Variants in RGS7 observed in about 807,000 individuals in gnomAD.
RGS7 encodes the protein regulator of G-protein signaling 7.
In RGS7, 27 loss-of-function variants were observed where a neutral mutation model predicts 81.1. The observed-to-expected ratio is 0.33, with a 90% CI of 0.25 to 0.46. The LOEUF is 0.46. RGS7 is among the 20% of genes least tolerant of loss of function. RGS7 has a pLI of 1.00. For synonymous variants in RGS7, 208 were observed against 207.7 expected (o/e 1.00, Z -0.01); for missense variants, 396 against 607.4 (o/e 0.65, Z 3.66).
At chr1:240,966,755 C>T (rs557121193) in intron 4 of RGS7, among the ~76,000 whole-genome samples, 16 of 152,190 alleles carry the variant, frequency 1.1e-4, no homozygotes, top group Admixed American at 5.2e-4. Flanking sequence ...TAAACATTTT[C>T]TATGTCATGA....
chr1:240,961,433 G>A (rs1681419352), intron 4 of RGS7, among the ~76,000 whole-genome samples: 1 of 152,010 alleles, frequency 6.6e-6, no homozygotes, highest in Non-Finnish European at 1.5e-5. Context: ...CTATTATCAG[G>A]GAGCTCAATT....
chr1:241,044,354 C>T (rs887968210), intron 3 of RGS7, among the ~76,000 whole-genome samples: 6 of 152,204 alleles, frequency 3.9e-5, no homozygotes, highest in African/African-American at 1.4e-4. Context: ...AAGTGATCTG[C>T]CCGCCTTGGC....
At chr1:241,088,878 G>A (rs2063645813) in intron 3 of RGS7, among the ~76,000 whole-genome samples, 2 of 151,006 alleles carry the variant, frequency 1.3e-5, no homozygotes, top group Admixed American at 6.6e-5. Context: ...GGGCGTGGTG[G>A]CAGGTGCCTG....
intron 6 of RGS7, among the ~76,000 whole-genome samples, chr1:240,881,291 T>C (rs145464033): frequency 0.023 from 3,457 of 149,204 alleles, 140 homozygotes; most frequent in African/African-American, 0.078. Context: ...TAGGTGGGAA[T>C]TGAACAATGA....
At chr1:241,319,027 A>G (rs187455702) in intron 2 of RGS7, among the ~76,000 whole-genome samples, 6 of 152,324 alleles carry the variant, frequency 3.9e-5, no homozygotes, top group Non-Finnish European at 7.4e-5. Context: ...GATTTTTCAA[A>G]TGTTTCACCA....
chr1:241,043,166 T>C (rs771353100), intron 3 of RGS7, among the ~76,000 whole-genome samples: 24 of 152,164 alleles, frequency 1.6e-4, no homozygotes, highest in Non-Finnish European at 3.1e-4. Flanking sequence ...CAGTAGGGTA[T>C]ATCTGATCTA....
intron 2 of RGS7, among the ~76,000 whole-genome samples, chr1:241,342,619 A>C (rs1184982170): frequency 6.6e-6 from 1 of 152,236 alleles, no homozygotes; most frequent in Non-Finnish European, 1.5e-5. Context: ...AAGTTTCAAC[A>C]AAAACAACAG....
At chr1:241,343,540 G>C (rs920123771) in intron 2 of RGS7, among the ~76,000 whole-genome samples, 2 of 152,184 alleles carry the variant, frequency 1.3e-5, no homozygotes, top group Admixed American at 6.5e-5. Context: ...TGAACCTTGA[G>C]GACGTTATGC....
In RGS7 at chr1:240,936,680, T is replaced by C. The variant is rs1676689235; in HGVS notation, c.253A>G (p.Met85Val). 1 of 1,614,074 alleles carries C rather than the reference T, an allele frequency of 6.2e-7. No individual in the cohort carries two copies. The highest frequency in any genetic ancestry group is 8.5e-7 in the Non-Finnish European group (1 of 1,179,946). The change falls in exon 5 of 19, where the codon ATG becomes GTG. Residue 85 changes from methionine (M) to valine (V), a missense_variant. Transcript: ENST00000440928. ...GGAAAGAAGTAGCCGTGGGCAGCCA[T>C]TAATGTTCCCAAATGGAGCGCCTCC... ...PVEALHLGTLMAAHGYFFPIS... is the reference protein window; with the variant it reads ...PVEALHLGTLVAAHGYFFPIS...
intron 2 of RGS7, among the ~76,000 whole-genome samples, chr1:241,113,435 A>G (rs1207679564): frequency 6.6e-6 from 1 of 152,182 alleles, no homozygotes; most frequent in African/African-American, 2.4e-5. Context: ...AGCAATTTCT[A>G]TGTGTCTCCA....
intron 6 of RGS7, among the ~76,000 whole-genome samples, chr1:240,908,266 G>A (rs1671174582): frequency 6.6e-6 from 1 of 151,878 alleles, no homozygotes; most frequent in African/African-American, 2.4e-5. Context: ...GTTAATGGGT[G>A]CAGTGAACCA....
At chr1:241,095,745 A>T (rs2064200492) in intron 3 of RGS7, among the ~76,000 whole-genome samples, 1 of 152,332 alleles carries the variant, frequency 6.6e-6, no homozygotes, top group South Asian at 2.1e-4. Context: ...TAACATATCC[A>T]TTATCTTAAA....
intron 6 of RGS7, among the ~76,000 whole-genome samples, chr1:240,900,567 C>A (rs1669830705): frequency 6.6e-6 from 1 of 152,078 alleles, no homozygotes; most frequent in African/African-American, 2.4e-5. Context: ...CACTCCAGAC[C>A]CTGTTTGCCT....
At chr1:240,987,667 G>A (rs973541400) in intron 3 of RGS7, among the ~76,000 whole-genome samples, 1 of 151,822 alleles carries the variant, frequency 6.6e-6, no homozygotes, top group African/African-American at 2.4e-5. Flanking sequence ...GGGATTACAG[G>A]TGTGAGCCAC....
At chr1:241,150,599 C>G (rs2068677407) in intron 2 of RGS7, among the ~76,000 whole-genome samples, 1 of 152,174 alleles carries the variant, frequency 6.6e-6, no homozygotes, top group African/African-American at 2.4e-5. Context: ...TCACCTCAAT[C>G]CAAGAGAAAG....
chr1:241,088,316 G>A (rs962011840), intron 3 of RGS7, among the ~76,000 whole-genome samples: 4 of 152,080 alleles, frequency 2.6e-5, no homozygotes, highest in African/African-American at 2.4e-5. Flanking sequence ...CTGCTTAAGG[G>A]TGAAGAGGAT....
At chr1:241,130,671 A>G (rs1340911814) in intron 2 of RGS7, among the ~76,000 whole-genome samples, 1 of 151,036 alleles carries the variant, frequency 6.6e-6, no homozygotes, top group Non-Finnish European at 1.5e-5. Context: ...AAGAATTACT[A>G]ATAACAAACA....
intron 3 of RGS7, 57 bp downstream of exon 3, chr1:241,098,609 T>TA: frequency 1.7e-6 from 2 of 1,162,698 alleles, no homozygotes; most frequent in Non-Finnish European, 2.6e-6. Context: ...GAATCAGTTT[T>TA]AAAGAGTTAT....
chr1:241,048,467 C>T (rs2061067259), intron 3 of RGS7, among the ~76,000 whole-genome samples: 1 of 152,152 alleles, frequency 6.6e-6, no homozygotes, highest in African/African-American at 2.4e-5. Flanking sequence ...TCCATGAGTG[C>T]TGGGCCTTCC....
Sources: gnomAD v4.1 joint callset for allele counts (sites outside exome capture counted in the v4.1 genomes callset) on GRCh38, gnomAD v4.1.1 for gene constraint, MANE v1.5 for transcripts, NCBI Gene and HGNC (gene_info 2026-07-23, HGNC 2026-07-21) for gene names.